Variants in MAST4 observed in about 807,000 individuals in gnomAD.
The protein encoded by MAST4 is microtubule-associated serine/threonine-protein kinase 4.
MAST4 carries 89 observed loss-of-function variants against 162.7 expected under a neutral mutation model. The observed-to-expected ratio is 0.55, with a 90% confidence interval of 0.46 to 0.65. The LOEUF is 0.65. Ranked by LOEUF, MAST4 falls within the 30% of genes least tolerant of loss-of-function variation. MAST4 has a pLI of 0.00. For synonymous variants in MAST4, 1,479 were observed against 1,361.1 expected (o/e 1.09, Z -1.91); for missense variants, 3,153 against 3,374.0 (o/e 0.93, Z 1.62).
Position 67,152,629 on chromosome 5 carries a change from T to C in MAST4, c.3296-8T>C, listed in dbSNP as rs779529056. 4 of 1,612,244 alleles carry C rather than the reference T, an allele frequency of 2.5e-6. No homozygotes were observed. Among genetic ancestry groups the C allele is most frequent in the Non-Finnish European group, 3.4e-6 (4 of 1,178,288 alleles). On this transcript the variant is annotated splice_polypyrimidine_tract_variant and splice_region_variant and intron_variant, in intron 24 of 28. Transcript: ENST00000403625. The stretch of plus-strand genomic sequence containing the variant: ...CATGGGCTTTGATGACTGGCTTCTT[T>C]GTTACAGATATGTTTGCTGTTTCCC...
At chr5:66,731,862 CTT>C (rs1253907034) in intron 1 of MAST4, among the ~76,000 whole-genome samples, 2 of 152,048 alleles carry the variant, frequency 1.3e-5, no homozygotes, top group Non-Finnish European at 2.9e-5. Flanking sequence ...AATTTCCTGT[CTT>C]TCCTCCTCAA....
chr5:66,938,122 AC>A, intron 4 of MAST4, among the ~76,000 whole-genome samples: 1 of 152,222 alleles, frequency 6.6e-6, no homozygotes, highest in East Asian at 1.9e-4. Flanking sequence ...ATAATTTTTC[AC>A]CTTTTTCAAT....
chr5:67,137,590 T>C (rs1177207029), intron 19 of MAST4, among the ~76,000 whole-genome samples: 1 of 152,194 alleles, frequency 6.6e-6, no homozygotes, highest in East Asian at 1.9e-4. Context: ...GTTCCAAATA[T>C]TTATTGTATA....
At position 67,142,614 on chromosome 5, in the gene MAST4, A is replaced by AC. The variant is rs944929464; in HGVS notation, c.2730+82dup. 26 of 938,682 alleles carry AC rather than the reference A, an allele frequency of 2.8e-5. No homozygotes were observed. The African/African-American group carries it at 4.3e-4, about 16-fold the overall frequency. The allele number at this position is 938,682 out of a possible 1,614,324, so 58.1% of individuals were successfully genotyped here. ...CCAGATAGTATCCCCGAACAGCTGG[A>AC]CACTTACCGTTTTCCAGGGTTTGAG... On this transcript the variant is annotated intron_variant, in intron 21 of 28. Transcript: ENST00000403625.
intron 4 of MAST4, among the ~76,000 whole-genome samples, chr5:66,985,754 A>G (rs966647698): frequency 3.9e-5 from 6 of 152,168 alleles, no homozygotes; most frequent in Non-Finnish European, 5.9e-5. Context: ...CAGAGAAGGT[A>G]AAAATAACTT....
At chr5:66,750,190 T>A (rs1355649868) in intron 1 of MAST4, among the ~76,000 whole-genome samples, 1 of 152,194 alleles carries the variant, frequency 6.6e-6, no homozygotes, top group African/African-American at 2.4e-5. Flanking sequence ...AGCCTCTCAT[T>A]ATGTATGCAG....
At chr5:67,127,290 G>A (rs1308383997) in intron 14 of MAST4, among the ~76,000 whole-genome samples, 1 of 152,198 alleles carries the variant, frequency 6.6e-6, no homozygotes, top group East Asian at 1.9e-4. Context: ...AGTGGTGAGA[G>A]TGGACATCCT....
chr5:66,898,780 A>C (rs999771770), intron 3 of MAST4, among the ~76,000 whole-genome samples: 1 of 152,204 alleles, frequency 6.6e-6, no homozygotes, highest in African/African-American at 2.4e-5. Context: ...TATATTTGCC[A>C]GTTAATAAGT....
intron 4 of MAST4, among the ~76,000 whole-genome samples, chr5:66,951,598 A>ATGTGTGTGTG (rs59043309): frequency 6.1e-4 from 75 of 122,414 alleles, no homozygotes; most frequent in East Asian, 1.5e-3. Context: ...CTCCCATGAT[A>ATGTGTGTGTG]TGTGTGTGTG....
chr5:66,784,520 A>G (rs933628523), intron 2 of MAST4, among the ~76,000 whole-genome samples: 7 of 152,192 alleles, frequency 4.6e-5, no homozygotes, highest in African/African-American at 1.7e-4. Context: ...TTAAAATAAT[A>G]AAATATGACA....
intron 4 of MAST4, among the ~76,000 whole-genome samples, chr5:66,954,044 G>A (rs1745006437): frequency 6.6e-6 from 1 of 152,098 alleles, no homozygotes; most frequent in African/African-American, 2.4e-5. Context: ...CACCATTAAT[G>A]CAGCAGTGGT....
Position 67,165,765 on chromosome 5 carries a change from C to A in MAST4, c.6586C>A (p.Pro2196Thr). The A allele has an allele frequency of 6.3e-7, 1 of 1,599,190 alleles. No homozygotes were observed. Residue 2196 changes from proline to threonine, a missense_variant, in exon 29 of 29, where the codon CCT becomes ACT. By Grantham distance (38) the Pro-to-Thr change is conservative (BLOSUM62 -1). Transcript: ENST00000403625. ...HSESSSHKPR[P>T]GPDPGPPKTK... is the part of the protein sequence containing the mutation. ...TGAAAGCAGCAGCCACAAGCCCCGG[C>A]CTGGCCCTGACCCGGGCCCTCCAAA...
Position 66,691,867 on chromosome 5 carries a change from C to T in MAST4, c.364-67842C>T, listed in dbSNP as rs1348533959. Among the ~76,000 whole-genome samples the T allele has an allele frequency of 3.3e-5, 5 of 152,118 alleles. No homozygotes were observed. The East Asian group carries it at 9.6e-4, about 29-fold the overall frequency. On this transcript the variant is annotated intron_variant, in intron 1 of 28. Transcript: ENST00000403625. ...TCAGTCTATTGTTCTTAGTAATGGC[C>T]ATCTCTTCATTCTCTATGGTAATGA...
chr5:67,048,284 G>A (rs1757624184), intron 4 of MAST4, among the ~76,000 whole-genome samples: 1 of 152,016 alleles, frequency 6.6e-6, no homozygotes, highest in Non-Finnish European at 1.5e-5. Flanking sequence ...AATCTAAAAA[G>A]GGAATGAATT....
chr5:66,610,302 A>G lies in MAST4; in HGVS notation c.363+13284A>G, dbSNP rs147268232. Among the ~76,000 whole-genome samples, 269 of 152,320 alleles carry G rather than the reference A, an allele frequency of 1.8e-3. 2 individuals carry two copies. Among genetic ancestry groups the G allele is most frequent in the African/African-American group, 6.2e-3 (258 of 41,580 alleles). On this transcript the variant is annotated intron_variant, in intron 1 of 28. Coordinates refer to ENST00000403625, the MANE Select transcript of MAST4 (RefSeq NM_001164664.2). The stretch of plus-strand genomic sequence containing the variant: ...GGATTAGGGCTTACCCTAGAGACCC[A>G]GCTTGATTACCTCTGTAATCCTTGT...
In MAST4 at chr5:66,788,697, C is replaced by T; in HGVS notation, c.545C>T (p.Ala182Val). The T allele has an allele frequency of 6.2e-7, 1 of 1,612,468 alleles. No homozygotes were observed. Among genetic ancestry groups the T allele is most frequent in the African/African-American group, 1.3e-5 (1 of 74,718 alleles). ...AGGTACCTTCTTCCAAACCCGGTGG[C>T]GGGACAGGCCTGGCCGGCCTCTGCA... is the stretch of plus-strand genomic sequence containing the variant. ...TGRYLLPNPV[A>V]GQAWPASAET... The change falls in exon 3 of 29, where the codon GCG (alanine) becomes GTG (valine). Residue 182 changes from alanine to valine, a missense_variant. Around this residue, in one of 7 missense-constraint regions of MAST4, gnomAD observed 327 missense variants for 336.5 expected, o/e 0.97. Coordinates refer to ENST00000403625, the MANE Select transcript of MAST4 (RefSeq NM_001164664.2).
intron 1 of MAST4, among the ~76,000 whole-genome samples, chr5:66,612,722 C>T (rs893514874): frequency 6.6e-6 from 1 of 152,072 alleles, no homozygotes; most frequent in Admixed American, 6.5e-5. Flanking sequence ...TCTGTAAATC[C>T]TGATGGATTT....
chr5:66,730,188 C>T (rs1751754594), intron 1 of MAST4, among the ~76,000 whole-genome samples: 1 of 152,120 alleles, frequency 6.6e-6, no homozygotes, highest in Non-Finnish European at 1.5e-5. Context: ...AAGACTAGAG[C>T]TAGATTTTAC....
At chr5:66,821,898 A>G (rs995978072) in intron 3 of MAST4, among the ~76,000 whole-genome samples, 12 of 152,040 alleles carry the variant, frequency 7.9e-5, no homozygotes, top group Non-Finnish European at 1.5e-4. Context: ...GAAGATGGGG[A>G]GGGTTGGGAG....
Sources: allele counts gnomAD v4.1 joint callset (sites outside exome capture counted in the v4.1 genomes callset), GRCh38; gene constraint gnomAD v4.1.1; regional missense constraint gnomAD v4.1.1; transcripts MANE v1.5; gene names NCBI Gene and HGNC (gene_info 2026-07-23, HGNC 2026-07-21).